The following MTHFD1L variants were observed in gnomAD, a reference collection of about 807,000 sequenced individuals.
MTHFD1L encodes monofunctional C1-tetrahydrofolate synthase, mitochondrial.
Under a neutral mutation model 119.5 loss-of-function variants are expected in MTHFD1L, and 81 were observed. The observed-to-expected ratio is 0.68, with a 90% CI of 0.57 to 0.82. The LOEUF (loss-of-function observed/expected upper bound fraction) is 0.82. Among genes scored for constraint, MTHFD1L ranks in the 40% least tolerant of loss-of-function variants. MTHFD1L has a pLI of 0.00. For missense variants in MTHFD1L, 1,125 were observed against 1,253.4 expected (o/e 0.90, Z 1.55); for synonymous variants, 430 against 475.2 (o/e 0.90, Z 1.24).
At chr6:151,100,788 A>G (rs1795307343) in intron 27 of MTHFD1L, among the ~76,000 whole-genome samples, 1 of 152,082 alleles carries the variant, frequency 6.6e-6, no homozygotes, top group South Asian at 2.1e-4. Flanking sequence ...GTTGTCCTAA[A>G]TGCATTTTTC....
intron 1 of MTHFD1L, among the ~76,000 whole-genome samples, chr6:150,871,060 C>T (rs1400507725): frequency 7.2e-6 from 1 of 138,114 alleles, no homozygotes; most frequent in African/African-American, 2.7e-5. Flanking sequence ...ATATATATAC[C>T]TTAATATATA....
In MTHFD1L at chr6:151,015,579, T is replaced by C. The variant is rs775713024; in HGVS notation, c.2472T>C (p.Asp824=). The change falls in exon 24 of 28, where the codon GAT becomes GAC. Residue 824 remains aspartate, a synonymous_variant. Coordinates refer to ENST00000367321, the MANE Select transcript of MTHFD1L (RefSeq NM_015440.5). ...CELAKRAGAF[D]AVPCYHWSVG... is the part of the protein sequence containing the mutation. Reference sequence around the variant, plus strand: ...TTGCAAAGCGGGCTGGTGCCTTTGATGCAGTCCCCTGCTATCACTGGTCCG... The same window carrying C: ...TTGCAAAGCGGGCTGGTGCCTTTGACGCAGTCCCCTGCTATCACTGGTCCG... 1 of 1,614,196 alleles carries C rather than the reference T, an allele frequency of 6.2e-7. No individual in the cohort carries two copies. Among genetic ancestry groups the C allele is most frequent in the South Asian group, 1.1e-5 (1 of 91,082 alleles).
At chr6:151,091,968 A>C (rs181914940) in intron 26 of MTHFD1L, among the ~76,000 whole-genome samples, 6 of 152,192 alleles carry the variant, frequency 3.9e-5, no homozygotes, top group Non-Finnish European at 5.9e-5. Context: ...GCAAGCTCTC[A>C]GTAGATATCA....
At chr6:151,029,915 A>T (rs991490959) in intron 24 of MTHFD1L, among the ~76,000 whole-genome samples, 3 of 152,150 alleles carry the variant, frequency 2.0e-5, no homozygotes, top group African/African-American at 7.2e-5. Flanking sequence ...GAAAAATCAC[A>T]CTCTTTATTT....
At chr6:151,078,471 T>C (rs1792802706) in intron 26 of MTHFD1L, among the ~76,000 whole-genome samples, 1 of 152,186 alleles carries the variant, frequency 6.6e-6, no homozygotes. Flanking sequence ...TTATCTTCCA[T>C]TTCTCTGGGT....
At chr6:150,971,393 G>T (rs1352829982) in intron 19 of MTHFD1L, among the ~76,000 whole-genome samples, 2 of 152,014 alleles carry the variant, frequency 1.3e-5, no homozygotes, top group African/African-American at 4.8e-5. Context: ...GTAGAGACGG[G>T]TTTCACTGTT....
At chr6:150,986,339 A>T (rs932865369) in intron 20 of MTHFD1L, among the ~76,000 whole-genome samples, 1 of 152,250 alleles carries the variant, frequency 6.6e-6, no homozygotes, top group Admixed American at 6.5e-5. Flanking sequence ...GAAAAACTCT[A>T]AATTGCATTG....
At chr6:150,977,301 G>T (rs1776720743) in intron 20 of MTHFD1L, among the ~76,000 whole-genome samples, 2 of 152,144 alleles carry the variant, frequency 1.3e-5, no homozygotes, top group Non-Finnish European at 2.9e-5. Context: ...GAATTATTTT[G>T]TCTATTCTGA....
intron 11 of MTHFD1L, among the ~76,000 whole-genome samples, chr6:150,934,317 G>T (rs961788379): frequency 3.3e-5 from 5 of 152,164 alleles, no homozygotes; most frequent in Non-Finnish European, 7.4e-5. Flanking sequence ...TTATTAATTT[G>T]CCGGGTCTCA....
intron 26 of MTHFD1L, among the ~76,000 whole-genome samples, chr6:151,052,895 T>A (rs1389420883): frequency 6.6e-6 from 1 of 152,130 alleles, no homozygotes; most frequent in Non-Finnish European, 1.5e-5. Context: ...AAGAAGGCCT[T>A]AAGTGTCAGA....
intron 26 of MTHFD1L, among the ~76,000 whole-genome samples, chr6:151,046,511 A>G (rs889427383): frequency 1.1e-4 from 13 of 114,214 alleles, no homozygotes; most frequent in Admixed American, 3.7e-4. Flanking sequence ...ATATATATAT[A>G]TATAGACTCA....
chr6:150,893,284 C>T (rs904373458), intron 7 of MTHFD1L, among the ~76,000 whole-genome samples: 11 of 152,020 alleles, frequency 7.2e-5, no homozygotes, highest in South Asian at 2.1e-4. Flanking sequence ...AGGCTGGTCT[C>T]GAACTCCTGA....
intron 11 of MTHFD1L, among the ~76,000 whole-genome samples, chr6:150,929,716 C>T (rs1583616028): frequency 6.6e-6 from 1 of 152,250 alleles, no homozygotes; most frequent in African/African-American, 2.4e-5. Flanking sequence ...CTGAAATTGG[C>T]CTGCCATGTT....
At position 151,009,852 on chromosome 6, in the gene MTHFD1L, T is replaced by G; in HGVS notation, c.2159T>G (p.Met720Arg). 1 of 1,613,906 alleles carries G rather than the reference T, an allele frequency of 6.2e-7. No homozygotes were observed. The highest frequency in any genetic ancestry group is 2.2e-5 in the East Asian group (1 of 44,844). The change falls in exon 21 of 28, where the codon ATG becomes AGG. Residue 720 changes from methionine (M) to arginine (R), a missense_variant. Met to Arg is a moderately conservative substitution (Grantham distance 91). This residue lies in a region of MTHFD1L where 1,058 missense variants were observed against 1,151.2 expected (regional missense o/e 0.92). Transcript: ENST00000367321. The part of the protein sequence containing the change: ...TEAGFGADIG[M>R]EKFFNIKCRA... ...GCTGGCTTTGGTGCTGACATCGGAA[T>G]GGAGAAATTCTTCAACATCAAGTGC...
At chr6:150,916,953 G>T (rs1323984014) in intron 8 of MTHFD1L, among the ~76,000 whole-genome samples, 1 of 150,310 alleles carries the variant, frequency 6.7e-6, no homozygotes, top group East Asian at 2.0e-4. Context: ...TAGAGATGGG[G>T]TTTCTCCATG....
chr6:151,036,377 A>C (rs1387724074), intron 25 of MTHFD1L, among the ~76,000 whole-genome samples: 1 of 152,214 alleles, frequency 6.6e-6, no homozygotes, highest in African/African-American at 2.4e-5. Flanking sequence ...TTTTTGTGAG[A>C]CACCACATGT....
intron 22 of MTHFD1L, among the ~76,000 whole-genome samples, chr6:151,014,676 C>A (rs936628102): frequency 2.0e-5 from 3 of 152,198 alleles, no homozygotes; most frequent in Non-Finnish European, 4.4e-5. Flanking sequence ...AGGCTTCAGA[C>A]CCACCCATAT....
intron 20 of MTHFD1L, among the ~76,000 whole-genome samples, chr6:150,998,995 A>T (rs61554372): frequency 0.085 from 12,248 of 143,636 alleles, 1,816 homozygotes; most frequent in African/African-American, 0.3. Flanking sequence ...GTCTTAAAAA[A>T]ATATATATAC....
intron 4 of MTHFD1L, among the ~76,000 whole-genome samples, chr6:150,881,796 G>T (rs1781434493): frequency 6.6e-6 from 1 of 152,146 alleles, no homozygotes; most frequent in South Asian, 2.1e-4. Context: ...CTGATACAGA[G>T]TAAGTGCTCA....
Sources: allele counts gnomAD v4.1 joint callset (sites outside exome capture counted in the v4.1 genomes callset), GRCh38; gene constraint gnomAD v4.1.1; regional missense constraint gnomAD v4.1.1; transcripts MANE v1.5; gene names NCBI Gene and HGNC (gene_info 2026-07-23, HGNC 2026-07-21).